ARHGEF26: variants seen among roughly 807,000 people sequenced by gnomAD.
The protein encoded by ARHGEF26 is Rho guanine nucleotide exchange factor 26.
ARHGEF26 carries 59 observed loss-of-function variants against 89.4 expected under a neutral mutation model. That is an observed-to-expected ratio of 0.66 (90% CI 0.54 to 0.82). ARHGEF26 has a LOEUF of 0.82. ARHGEF26 is among the 40% of genes least tolerant of loss of function. ARHGEF26 has a pLI of 0.00. For synonymous variants in ARHGEF26, 500 were observed against 428.4 expected, an observed-to-expected ratio of 1.17 and a Z score of -2.06; for missense variants, 1,234 against 1,085.6, an observed-to-expected ratio of 1.14 and a Z score of -1.92.
chr3:154,239,297 A>T (rs867302612), intron 11 of ARHGEF26, among the ~76,000 whole-genome samples: 9,010 of 50,726 alleles, frequency 0.18, 259 homozygotes, highest in East Asian at 0.32. Context: ...AGAGAGAGAG[A>T]GAGTGTGTGT....
intron 9 of ARHGEF26, among the ~76,000 whole-genome samples, chr3:154,203,742 T>G (rs1235254015): frequency 6.6e-6 from 1 of 152,108 alleles, no homozygotes; most frequent in Non-Finnish European, 1.5e-5. Context: ...ATGATCATTT[T>G]TTTTTGTTCT....
At chr3:154,144,637 T>C (rs1719591936) in intron 4 of ARHGEF26, among the ~76,000 whole-genome samples, 2 of 152,228 alleles carry the variant, frequency 1.3e-5, no homozygotes, top group Admixed American at 1.3e-4. Context: ...TTTGGATTCA[T>C]TCAGGAATCC....
intron 6 of ARHGEF26, among the ~76,000 whole-genome samples, chr3:154,176,735 G>A (rs1288476798): frequency 6.6e-6 from 1 of 152,192 alleles, no homozygotes; most frequent in South Asian, 2.1e-4. Context: ...ATGTTTCAGA[G>A]AAAAAGGGTA....
At chr3:154,249,786 T>A (rs1387385043) in intron 12 of ARHGEF26, among the ~76,000 whole-genome samples, 2 of 152,198 alleles carry the variant, frequency 1.3e-5, no homozygotes, top group African/African-American at 4.8e-5. Flanking sequence ...CTTGTCACTT[T>A]GTGCAAAGGG....
chr3:154,153,822 T>C (rs1372827925), intron 6 of ARHGEF26, among the ~76,000 whole-genome samples: 1 of 152,136 alleles, frequency 6.6e-6, no homozygotes, highest in African/African-American at 2.4e-5. Context: ...GTTACCATAC[T>C]ATAAACACTG....
At chr3:154,161,081 G>A (rs1711626577) in intron 6 of ARHGEF26, among the ~76,000 whole-genome samples, 1 of 53,622 alleles carries the variant, frequency 1.9e-5, no homozygotes, top group African/African-American at 9.8e-5. Context: ...CTCTCCTTTT[G>A]GAATGCTGGT....
chr3:154,215,145 A>G (rs749354450), intron 9 of ARHGEF26, among the ~76,000 whole-genome samples: 7 of 152,150 alleles, frequency 4.6e-5, no homozygotes, highest in Admixed American at 1.3e-4. Flanking sequence ...ACCGTGGCCT[A>G]TCTCTTTTGG....
intron 9 of ARHGEF26, among the ~76,000 whole-genome samples, chr3:154,199,900 G>A (rs1414308282): frequency 6.6e-6 from 1 of 151,950 alleles, no homozygotes; most frequent in Non-Finnish European, 1.5e-5. Context: ...TTTTTGATTG[G>A]ATTATTAGAT....
chr3:154,251,943 A>T (rs1353315485), intron 12 of ARHGEF26, among the ~76,000 whole-genome samples: 12 of 152,184 alleles, frequency 7.9e-5, no homozygotes, highest in Non-Finnish European at 1.5e-5. Context: ...TATGTTATGT[A>T]TGTTAAGAAA....
intron 4 of ARHGEF26, among the ~76,000 whole-genome samples, chr3:154,132,390 A>G (rs1450659941): frequency 1.3e-5 from 2 of 151,872 alleles, no homozygotes; most frequent in African/African-American, 4.8e-5. Context: ...AGAGATAACC[A>G]CTATCCCTGA....
intron 4 of ARHGEF26, among the ~76,000 whole-genome samples, chr3:154,148,748 G>A (rs768913282): frequency 1.3e-5 from 2 of 152,142 alleles, no homozygotes; most frequent in Non-Finnish European, 2.9e-5. Flanking sequence ...GCTCTGAAGG[G>A]TTACATTCTT....
rs562650819 is a variant in ARHGEF26, at chr3:154,257,377, G to C, written c.*1904G>C. 1 of 153,678 alleles carries C rather than the reference G, an allele frequency of 6.5e-6. No individual in the cohort carries two copies. The highest frequency in any genetic ancestry group is 1.9e-4 in the East Asian group (1 of 5,244). 9.5% of individuals were successfully genotyped at this position (153,678 alleles called of 1,614,324 possible). ...TAATAATGTCACAGACTTTTTAAAA[G>C]AGAGGCTATCAAGTTGTAATATAAT... On this transcript the variant is annotated 3_prime_UTR_variant, in exon 15 of 15. Transcript: ENST00000465093.
chr3:154,225,874 T>A lies in ARHGEF26; in HGVS notation c.1954T>A (p.Ser652Thr). The A allele has an allele frequency of 6.2e-7, 1 of 1,607,812 alleles. No homozygotes were observed. Among genetic ancestry groups the A allele is most frequent in the Non-Finnish European group, 8.5e-7 (1 of 1,177,786 alleles). The change falls in exon 11 of 15, where the codon TCT becomes ACT. Residue 652 changes from serine to threonine, a missense_variant. Coordinates refer to ENST00000465093, the MANE Select transcript of ARHGEF26 (RefSeq NM_015595.4). ...TTTGTAGCCTTTTCCTTTAGTCTCC[T>A]CTTCCCGGTGGTTGGTAAAAAGAGG... is the stretch of plus-strand genomic sequence containing the variant. Reference protein sequence around the residue: ...FKIKPFPLVSSSRWLVKRGEL... With the variant: ...FKIKPFPLVSTSRWLVKRGEL...
At chr3:154,191,212 T>C (rs1713933020) in intron 7 of ARHGEF26, 77 bp from the exon 8 acceptor site, 1 of 1,446,418 alleles carries the variant, frequency 6.9e-7, no homozygotes, top group African/African-American at 1.4e-5. Context: ...TCACAGTATT[T>C]TGTAATACAT....
intron 12 of ARHGEF26, among the ~76,000 whole-genome samples, chr3:154,242,623 G>T (rs1717537818): frequency 6.6e-6 from 1 of 152,168 alleles, no homozygotes; most frequent in Non-Finnish European, 1.5e-5. Flanking sequence ...TAAAGCAGTG[G>T]CAAAGTTTGA....
intron 9 of ARHGEF26, among the ~76,000 whole-genome samples, chr3:154,211,413 C>G (rs1715352912): frequency 6.6e-6 from 1 of 151,076 alleles, no homozygotes; most frequent in African/African-American, 2.4e-5. Context: ...TTTTCCTGCT[C>G]TAACAGGACA....
At chr3:154,248,995 A>G (rs370099743) in intron 12 of ARHGEF26, among the ~76,000 whole-genome samples, 2 of 152,192 alleles carry the variant, frequency 1.3e-5, no homozygotes, top group East Asian at 1.9e-4. Context: ...TATTCTTTAC[A>G]AAGGTTCGAA....
intron 6 of ARHGEF26, among the ~76,000 whole-genome samples, chr3:154,182,580 GT>G (rs1403075596): frequency 6.6e-6 from 1 of 152,214 alleles, no homozygotes; most frequent in East Asian, 1.9e-4. Flanking sequence ...ACGTTGATTT[GT>G]GTAATTTATT....
At chr3:154,158,377 T>A (rs546939921) in intron 6 of ARHGEF26, among the ~76,000 whole-genome samples, 2 of 152,358 alleles carry the variant, frequency 1.3e-5, no homozygotes, top group East Asian at 3.9e-4. Flanking sequence ...AACAATTGTT[T>A]GTTTTCTAAC....
Sources: gnomAD v4.1 joint callset for allele counts (sites outside exome capture counted in the v4.1 genomes callset) on GRCh38, gnomAD v4.1.1 for gene constraint, MANE v1.5 for transcripts, NCBI Gene and HGNC (gene_info 2026-07-23, HGNC 2026-07-21) for gene names.